ADORA2B: variants seen among roughly 807,000 people sequenced by gnomAD.
ADORA2B encodes adenosine receptor A2b.
ADORA2B carries 18 observed loss-of-function variants against 20.8 expected under a neutral mutation model. The observed-to-expected ratio is 0.87, with a 90% CI of 0.60 to 1.29. The LOEUF is 1.29. Ranked by LOEUF, ADORA2B falls within the 50% of genes most tolerant of loss-of-function variation. The pLI, the probability that ADORA2B is intolerant of heterozygous loss-of-function variation, is 0.00. For synonymous variants in ADORA2B, 179 were observed against 178.3 expected (o/e 1.00, Z -0.03); for missense variants, 441 against 422.7 (o/e 1.04, Z -0.38).
the ADORA2B span, among the ~76,000 whole-genome samples, chr17:15,926,971 A>G: frequency 1.3e-5 from 2 of 152,194 alleles, no homozygotes. Flanking sequence ...ACCCTGTCTC[A>G]AAAAATAAAA....
At chr17:15,896,211 G>C in the ADORA2B span, among the ~76,000 whole-genome samples, 1 of 152,128 alleles carries the variant, frequency 6.6e-6, no homozygotes, top group Non-Finnish European at 1.5e-5. Context: ...CAAAACACTT[G>C]AGAAATTATC....
chr17:15,881,381 A>G, the ADORA2B span, among the ~76,000 whole-genome samples: 49,975 of 152,136 alleles, frequency 0.33, 8,907 homozygotes, highest in African/African-American at 0.46. Flanking sequence ...GATTACAGAT[A>G]TGAGCCACCA....
chr17:15,882,959 C>T, the ADORA2B span, among the ~76,000 whole-genome samples: 122 of 152,186 alleles, frequency 8.0e-4, no homozygotes, highest in Non-Finnish European at 1.4e-3. Context: ...GTTCCCTCTC[C>T]GTCCCCCAGG....
At chr17:15,925,057 A>T in the ADORA2B span, among the ~76,000 whole-genome samples, 1 of 151,552 alleles carries the variant, frequency 6.6e-6, no homozygotes, top group Non-Finnish European at 1.5e-5. Flanking sequence ...TTATTTTGAG[A>T]TGGAGTCTGA....
intron 1 of ADORA2B, chr17:15,974,330 G>A (rs145175485): frequency 0.012 from 2,387 of 203,254 alleles, 29 homozygotes; most frequent in Middle Eastern, 0.023. Flanking sequence ...ATAAACAAGA[G>A]TTAACTTCCT....
intron 1 of ADORA2B, among the ~76,000 whole-genome samples, chr17:15,964,794 G>T (rs931902898): frequency 2.7e-5 from 4 of 150,350 alleles, no homozygotes; most frequent in South Asian, 4.2e-4. Flanking sequence ...GGGCGCGGTG[G>T]CTCACGCCTG....
intron 1 of ADORA2B, among the ~76,000 whole-genome samples, chr17:15,946,520 C>G (rs1969808614): frequency 6.6e-6 from 1 of 152,188 alleles, no homozygotes; most frequent in African/African-American, 2.4e-5. Flanking sequence ...CTGAGGAGAG[C>G]TTGAGATCTC....
chr17:15,975,325 C>T lies in ADORA2B; in HGVS notation c.982C>T (p.Leu328Phe). 6.2e-7 allele frequency: 1 copy of T among 1,611,940 alleles called. No homozygotes were observed. Among genetic ancestry groups the T allele is most frequent in the South Asian group, 1.1e-5 (1 of 91,060 alleles). The part of the protein sequence containing the change: ...GNGQAGVQPA[L>F]GVGL ...TGGTCAGGCTGGGGTACAGCCTGCT[C>T]TCGGTGTGGGCCTATGATCTAGGCT... The change falls in exon 2 of 2, where the codon CTC becomes TTC. Residue 328 changes from leucine (L) to phenylalanine (F), a missense_variant. Coordinates refer to ENST00000304222, the MANE Select transcript of ADORA2B (RefSeq NM_000676.4).
chr17:15,860,208 C>G, the ADORA2B span, among the ~76,000 whole-genome samples: 1 of 152,202 alleles, frequency 6.6e-6, no homozygotes, highest in African/African-American at 2.4e-5. Flanking sequence ...ATTGCTTACT[C>G]AGGGAGCTCG....
chr17:15,931,343 C>T, the ADORA2B span, among the ~76,000 whole-genome samples: 984 of 152,334 alleles, frequency 6.5e-3, 6 homozygotes, highest in Middle Eastern at 0.027. Context: ...AGGCTGGAAA[C>T]CTTCAGTCCT....
the ADORA2B span, among the ~76,000 whole-genome samples, chr17:15,922,677 A>G: frequency 6.6e-6 from 1 of 152,226 alleles, no homozygotes; most frequent in African/African-American, 2.4e-5. Flanking sequence ...ATTAATGTGC[A>G]TATGTATATG....
At chr17:15,868,449 G>A in the ADORA2B span, among the ~76,000 whole-genome samples, 1 of 138,916 alleles carries the variant, frequency 7.2e-6, no homozygotes, top group African/African-American at 2.5e-5. Context: ...TCCTCTAATG[G>A]TTAGTGCTTT....
At chr17:15,903,302 A>G in the ADORA2B span, among the ~76,000 whole-genome samples, 7 of 152,376 alleles carry the variant, frequency 4.6e-5, no homozygotes, top group Admixed American at 4.6e-4. Context: ...ATGAGTATGT[A>G]TAGTTGTATA....
intron 1 of ADORA2B, among the ~76,000 whole-genome samples, chr17:15,947,959 C>T (rs1192032676): frequency 6.6e-6 from 1 of 152,144 alleles, no homozygotes; most frequent in African/African-American, 2.4e-5. Flanking sequence ...GGGTGCATGG[C>T]GCCCCAAGCA....
the ADORA2B span, among the ~76,000 whole-genome samples, chr17:15,908,803 C>G: frequency 6.6e-6 from 1 of 152,160 alleles, no homozygotes; most frequent in African/African-American, 2.4e-5. Flanking sequence ...GTACCTGTTT[C>G]AAATGCAAAC....
chr17:15,933,110 C>G, the ADORA2B span, among the ~76,000 whole-genome samples: 1 of 152,032 alleles, frequency 6.6e-6, no homozygotes, highest in East Asian at 1.9e-4. Flanking sequence ...CGCCCGCTAC[C>G]ACGCCCGACT....
the ADORA2B span, among the ~76,000 whole-genome samples, chr17:15,907,841 G>A: frequency 6.7e-3 from 1,017 of 152,324 alleles, 3 homozygotes; most frequent in Non-Finnish European, 0.01. Flanking sequence ...AAAGTCTGTG[G>A]TGGTGACGAG....
chr17:15,930,299 T>C, the ADORA2B span, among the ~76,000 whole-genome samples: 17 of 151,698 alleles, frequency 1.1e-4, no homozygotes, highest in Non-Finnish European at 2.5e-4. Flanking sequence ...TTTTTTTTTT[T>C]TTCTTTTTTA....
At chr17:15,915,646 C>A in the ADORA2B span, among the ~76,000 whole-genome samples, 2 of 152,220 alleles carry the variant, frequency 1.3e-5, no homozygotes, top group African/African-American at 4.8e-5. Flanking sequence ...TTATACAGAA[C>A]TGCCCCATGT....
Sources: gnomAD v4.1 joint callset for allele counts (sites outside exome capture counted in the v4.1 genomes callset) on GRCh38, gnomAD v4.1.1 for gene constraint, MANE v1.5 for transcripts, NCBI Gene and HGNC (gene_info 2026-07-23, HGNC 2026-07-21) for gene names.